The following BACE2 variants were observed in gnomAD, a reference collection of about 807,000 sequenced individuals.
BACE2 encodes the protein beta-secretase 2.
In BACE2, 17 loss-of-function variants were observed where a neutral mutation model predicts 46.2. That is an observed-to-expected ratio of 0.37 (90% confidence interval 0.25 to 0.55). The LOEUF (loss-of-function observed/expected upper bound fraction) is 0.55, where lower values mean the gene tolerates loss of function less well. Ranked by LOEUF, BACE2 falls within the 20% of genes least tolerant of loss-of-function variation. The pLI is 0.82. For synonymous variants in BACE2, 277 were observed against 295.9 expected (o/e 0.94, Z 0.66); for missense variants, 595 against 698.1 (o/e 0.85, Z 1.66).
chr21:41,255,277 G>C (rs959056595), intron 7 of BACE2, among the ~76,000 whole-genome samples: 3 of 152,196 alleles, frequency 2.0e-5, no homozygotes, highest in African/African-American at 7.2e-5. Context: ...CTGGAGAGGA[G>C]GAGTTGGGAG....
At position 41,226,353 on chromosome 21, in the gene BACE2, A is replaced by T. The variant is rs1391313065; in HGVS notation, c.400A>T (p.Arg134Trp). Reference protein sequence around the residue: ...SYIDTYFDTERSSTYRSKGFD... With the variant: ...SYIDTYFDTEWSSTYRSKGFD... ...CATAGACACGTACTTTGACACAGAG[A>T]GGTAAGCGCTGGCCCCTTGGCTGGT... Residue 134 changes from arginine to tryptophan, a missense_variant and splice_region_variant, in exon 2 of 9, where the codon AGG (arginine) becomes TGG (tryptophan). Physicochemically the swap from Arg to Trp is moderately radical, Grantham distance 101 (BLOSUM62 -3). Coordinates refer to ENST00000330333, the MANE Select transcript of BACE2 (RefSeq NM_012105.5). The T allele has an allele frequency of 6.2e-7, 1 of 1,613,238 alleles. No individual in the cohort carries two copies. Among genetic ancestry groups the T allele is most frequent in the Non-Finnish European group, 8.5e-7 (1 of 1,179,780 alleles).
rs1568898021 is a variant in BACE2 at position 41,277,012 on chromosome 21, T to C, written c.*1388T>C. The C allele has an allele frequency of 6.6e-6, 1 of 152,066 alleles. No individual in the cohort carries two copies. The highest frequency in any genetic ancestry group is 1.5e-5 in the Non-Finnish European group (1 of 68,028). The allele number at this position is 152,066 out of a possible 1,614,324, so 9.4% of individuals were successfully genotyped here. Reference sequence around the variant, plus strand: ...CATAGCCTTATATGACCTGATGTCATTAGGAGAAGAGTTAAAAGACAGTAT... The same window carrying C: ...CATAGCCTTATATGACCTGATGTCACTAGGAGAAGAGTTAAAAGACAGTAT... On this transcript the variant is annotated 3_prime_UTR_variant, in exon 9 of 9. Transcript: ENST00000330333.
At chr21:41,265,326 T>C (rs1988041756) in intron 8 of BACE2, among the ~76,000 whole-genome samples, 1 of 152,228 alleles carries the variant, frequency 6.6e-6, no homozygotes, top group African/African-American at 2.4e-5. Flanking sequence ...CATTTGCATA[T>C]ATGAAAGTAT....
intron 1 of BACE2, among the ~76,000 whole-genome samples, chr21:41,217,209 G>A (rs944413917): frequency 1.1e-4 from 16 of 152,228 alleles, no homozygotes; most frequent in African/African-American, 1.4e-4. Flanking sequence ...GATTACAGGC[G>A]TGAGCCACTG....
intron 1 of BACE2, among the ~76,000 whole-genome samples, chr21:41,173,227 T>C (rs1244141069): frequency 1.3e-5 from 2 of 152,246 alleles, no homozygotes; most frequent in African/African-American, 4.8e-5. Context: ...TTTTCTTTGA[T>C]TCTACCTCAC....
intron 1 of BACE2, among the ~76,000 whole-genome samples, chr21:41,214,505 C>T (rs1042489111): frequency 1.3e-5 from 2 of 152,132 alleles, no homozygotes; most frequent in Non-Finnish European, 1.5e-5. Context: ...CAGTTTTCAT[C>T]GTGGGGGCAT....
chr21:41,195,486 G>A (rs74586070), intron 1 of BACE2, among the ~76,000 whole-genome samples: 2,082 of 152,290 alleles, frequency 0.014, 56 homozygotes, highest in African/African-American at 0.046. Context: ...AGAACTTCCC[G>A]TCCCTTACAC....
intron 2 of BACE2, among the ~76,000 whole-genome samples, chr21:41,229,773 G>A (rs915025690): frequency 6.6e-6 from 1 of 152,176 alleles, no homozygotes; most frequent in African/African-American, 2.4e-5. Context: ...GTGGCAGATG[G>A]TTCCTGTTTT....
chr21:41,228,315 A>C (rs1002880456), intron 2 of BACE2, among the ~76,000 whole-genome samples: 2 of 152,218 alleles, frequency 1.3e-5, no homozygotes, highest in African/African-American at 4.8e-5. Flanking sequence ...ATGTACACCC[A>C]GTGTAGACTG....
At chr21:41,246,911 G>C (rs1025679021) in intron 6 of BACE2, among the ~76,000 whole-genome samples, 1 of 152,176 alleles carries the variant, frequency 6.6e-6, no homozygotes, top group Non-Finnish European at 1.5e-5. Flanking sequence ...TTGGTGTTTA[G>C]TAGATGCTTG....
chr21:41,213,215 C>A (rs181221829), intron 1 of BACE2, among the ~76,000 whole-genome samples: 1 of 151,996 alleles, frequency 6.6e-6, no homozygotes, highest in Non-Finnish European at 1.5e-5. Context: ...GAAAGGAAAC[C>A]GGGAAACATT....
intron 1 of BACE2, chr21:41,185,344 AG>A (rs1346516765): frequency 3.3e-5 from 5 of 152,354 alleles, no homozygotes; most frequent in Non-Finnish European, 7.3e-5. Flanking sequence ...GCGTTGCCCA[AG>A]GGGAGACCTC....
At chr21:41,253,641 A>C (rs993097483) in intron 7 of BACE2, among the ~76,000 whole-genome samples, 26 of 151,818 alleles carry the variant, frequency 1.7e-4, no homozygotes, top group Non-Finnish European at 4.4e-5. Context: ...TTAGGGGGAA[A>C]CCTCAGTCCA....
Position 41,226,254 on chromosome 21 carries a change from A to C in BACE2, c.313-12A>C. On this transcript the variant is annotated splice_polypyrimidine_tract_variant and intron_variant, in intron 1 of 8. Transcript: ENST00000330333. ...TGCTTTCTATTTTTTTTTTCTCCTTAAAACATAAAAGCTACAGATTCTCGT... is the reference window on the plus strand; with the variant it reads ...TGCTTTCTATTTTTTTTTTCTCCTTCAAACATAAAAGCTACAGATTCTCGT... The C allele has an allele frequency of 6.2e-7, 1 of 1,603,928 alleles. No individual in the cohort carries two copies. Among genetic ancestry groups the C allele is most frequent in the Non-Finnish European group, 8.5e-7 (1 of 1,176,246 alleles).
At chr21:41,255,960 T>A (rs965994877) in intron 7 of BACE2, among the ~76,000 whole-genome samples, 1 of 151,918 alleles carries the variant, frequency 6.6e-6, no homozygotes, top group Non-Finnish European at 1.5e-5. Context: ...CCCTGCAGAG[T>A]TGTCTCTTGT....
At chr21:41,239,125 A>T (rs988168175) in intron 3 of BACE2, among the ~76,000 whole-genome samples, 11 of 147,548 alleles carry the variant, frequency 7.5e-5, no homozygotes, top group Middle Eastern at 3.5e-3. Flanking sequence ...CCACTGTCCC[A>T]TGAGGATAAT....
chr21:41,202,769 T>A (rs4818222), intron 1 of BACE2, among the ~76,000 whole-genome samples: 1 of 151,978 alleles, frequency 6.6e-6, no homozygotes, highest in African/African-American at 2.4e-5. Context: ...GACCAATCGG[T>A]GCTCCCCAGA....
chr21:41,168,204 G>C lies in BACE2; in HGVS notation c.-60G>C. The C allele has an allele frequency of 9.9e-7, 1 of 1,006,306 alleles. No homozygotes were observed. The highest frequency in any genetic ancestry group is 1.7e-5 in the African/African-American group (1 of 58,038). The allele number at this position is 1,006,306 out of a possible 1,614,324, so 62.3% of individuals were successfully genotyped here. On this transcript the variant is annotated 5_prime_UTR_variant, in exon 1 of 9. Transcript: ENST00000330333. ...CGCGCCGGCCGAGTCGCTGAGCCGC[G>C]GCTGCCGGACGGGACGGGACCGGCT...
intron 7 of BACE2, 143 bp downstream of exon 7, chr21:41,251,044 G>T: frequency 2.2e-6 from 2 of 893,330 alleles, no homozygotes; most frequent in Non-Finnish European, 3.4e-6. Context: ...ACATATTACT[G>T]CTCCTGAGTC....
Sources: gnomAD v4.1 joint callset for allele counts (sites outside exome capture counted in the v4.1 genomes callset) on GRCh38, gnomAD v4.1.1 for gene constraint, MANE v1.5 for transcripts, NCBI Gene and HGNC (gene_info 2026-07-23, HGNC 2026-07-21) for gene names.